The following WDR26 variants were observed in gnomAD, a reference collection of about 807,000 sequenced individuals.
WDR26 encodes WD repeat domain 26.
A neutral mutation model predicts 84.1 loss-of-function variants in WDR26; 5 were observed. The ratio of observed to expected loss-of-function variants is 0.06; its 90% CI spans 0.03 to 0.13. The LOEUF (loss-of-function observed/expected upper bound fraction) is 0.13. Ranked by LOEUF, WDR26 falls within the 10% of genes least tolerant of loss-of-function variation. The pLI, the probability that WDR26 is intolerant of heterozygous loss-of-function variation, is 1.00. For synonymous variants in WDR26, 415 were observed against 389.6 expected (o/e 1.07, Z -0.77); for missense variants, 642 against 974.9 (o/e 0.66, Z 4.55).
At chr1:224,394,828 T>C (rs1673217434) in intron 12 of WDR26, among the ~76,000 whole-genome samples, 1 of 152,066 alleles carries the variant, frequency 6.6e-6, no homozygotes, top group South Asian at 2.1e-4. Flanking sequence ...GAAACATAGG[T>C]TATGGTTAAG....
At chr1:224,432,653 TA>T (rs1674425595) in intron 1 of WDR26, among the ~76,000 whole-genome samples, 1 of 152,212 alleles carries the variant, frequency 6.6e-6, no homozygotes, top group South Asian at 2.1e-4. Context: ...GTGCCACTTT[TA>T]AAAAGTTCTG....
intron 3 of WDR26, among the ~76,000 whole-genome samples, chr1:224,425,365 A>G (rs1674179859): frequency 6.6e-6 from 1 of 152,212 alleles, no homozygotes; most frequent in African/African-American, 2.4e-5. Flanking sequence ...AAAAGATTCA[A>G]TATTTGTACT....
chr1:224,395,347 G>T (rs1184430196), intron 12 of WDR26, among the ~76,000 whole-genome samples: 1 of 152,190 alleles, frequency 6.6e-6, no homozygotes, highest in Non-Finnish European at 1.5e-5. Flanking sequence ...ATAACTTAAT[G>T]ATATATCAGT....
At chr1:224,405,818 C>T (rs1673533823) in intron 7 of WDR26, among the ~76,000 whole-genome samples, 1 of 152,118 alleles carries the variant, frequency 6.6e-6, no homozygotes, top group African/African-American at 2.4e-5. Flanking sequence ...TTGTTGTAGG[C>T]TAAGGGGTTA....
intron 4 of WDR26, among the ~76,000 whole-genome samples, chr1:224,421,784 G>A (rs1674072149): frequency 1.3e-5 from 2 of 152,118 alleles, no homozygotes; most frequent in Admixed American, 6.5e-5. Context: ...AAAAAAACCT[G>A]TAGAATTTAT....
chr1:224,433,620 C>A (rs2102929558), intron 1 of WDR26, 64 bp downstream of exon 1: 17 of 1,177,534 alleles, frequency 1.4e-5, no homozygotes, highest in Non-Finnish European at 1.6e-5. Flanking sequence ...GCCCCTTCCC[C>A]TACCCCCCTG....
rs149995544 is a variant in WDR26, at chr1:224,415,453, C to CTTTTTTTTTTTTTTTTTT, written c.1319+2789_1319+2806dup. Among the ~76,000 whole-genome samples the CTTTTTTTTTTTTTTTTTT allele has an allele frequency of 7.3e-5, 6 of 82,350 alleles. 1 individual carries two copies. Among genetic ancestry groups the CTTTTTTTTTTTTTTTTTT allele is most frequent in the African/African-American group, 2.9e-4 (6 of 20,588 alleles). The allele number at this position is 82,350 out of a possible 152,430, so 54.0% of individuals were successfully genotyped here. ...ACAATTCTGGAACACGTATTTCTTTCTTTTTTTTTTTTTTTTTTTTTTTTT... is the reference window on the plus strand; with the variant it reads ...ACAATTCTGGAACACGTATTTCTTTCTTTTTTTTTTTTTTTTTTTTTTTTTTTTTTTTTTTTTTTTTTT... On this transcript the variant is annotated intron_variant, in intron 6 of 13. Coordinates refer to ENST00000414423, the MANE Select transcript of WDR26 (RefSeq NM_001379403.1).
Position 224,387,671 on chromosome 1 carries a change from G to A in WDR26, c.*2164C>T, listed in dbSNP as rs4653586. On this transcript the variant is annotated 3_prime_UTR_variant, in exon 14 of 14. Coordinates refer to ENST00000414423, the MANE Select transcript of WDR26 (RefSeq NM_001379403.1). ...CAAATCTGAGTGTTACAAATGCACC[G>A]TAGCACACTGTAACCAAATTTGTAA... 0.88 allele frequency: 134,451 copies of A among 152,556 alleles called. 61,596 individuals carry two copies. Among genetic ancestry groups the A allele is most frequent in the East Asian group, 1 (5,164 of 5,178 alleles). 9.5% of individuals were successfully genotyped at this position (152,556 alleles called of 1,614,324 possible).
chr1:224,401,671 C>CAAAAAAAAAAAAAAAAAA (rs767368281), intron 8 of WDR26, among the ~76,000 whole-genome samples: 93 of 49,632 alleles, frequency 1.9e-3, no homozygotes, highest in East Asian at 2.2e-3. Flanking sequence ...GAGACTGTCT[C>CAAAAAAAAAAAAAAAAAA]AAAAAAAAAA....
At chr1:224,428,667 C>T (rs535959421) in intron 3 of WDR26, among the ~76,000 whole-genome samples, 79 of 151,646 alleles carry the variant, frequency 5.2e-4, no homozygotes, top group Middle Eastern at 3.4e-3. Context: ...GAGGCTGAGG[C>T]GGGTGGATCA....
intron 6 of WDR26, chr1:224,413,117 AG>A (rs1326406137): frequency 4.9e-6 from 1 of 204,798 alleles, no homozygotes; most frequent in African/African-American, 2.3e-5. Flanking sequence ...TGAATGTGGG[AG>A]GTGGAGGTTG....
rs1673034667 is a variant in WDR26, at chr1:224,388,357, T to A, written c.*1478A>T. 6.6e-6 allele frequency: 1 copy of A among 152,244 alleles called. No homozygotes were observed. The highest frequency in any genetic ancestry group is 2.4e-5 in the African/African-American group (1 of 41,472). 9.4% of individuals were successfully genotyped at this position (152,244 alleles called of 1,614,324 possible). On this transcript the variant is annotated 3_prime_UTR_variant, in exon 14 of 14. Coordinates refer to ENST00000414423, the MANE Select transcript of WDR26 (RefSeq NM_001379403.1). ...CATTCCAACAGCTGGAGTCACCCTA[T>A]TTATCCTCTACTGAAAAAGGGAGGG...
intron 9 of WDR26, among the ~76,000 whole-genome samples, 193 bp from the exon 10 acceptor site, chr1:224,399,227 C>T (rs1673344036): frequency 6.6e-6 from 1 of 151,830 alleles, no homozygotes; most frequent in African/African-American, 2.4e-5. Context: ...TTCATTACAA[C>T]CATACTTAAG....
At position 224,433,976 on chromosome 1, in the gene WDR26, G is replaced by A. The variant is rs1211940314; in HGVS notation, c.430C>T (p.Pro144Ser). Residue 144 changes from proline to serine, a missense_variant, in exon 1 of 14, where the codon CCC becomes TCC. Physicochemically the swap from Pro to Ser is moderately conservative, Grantham distance 74 (BLOSUM62 -1). Around this residue, in one of 2 missense-constraint regions of WDR26, gnomAD observed 291 missense variants for 302.1 expected, o/e 0.96. Coordinates refer to ENST00000414423, the MANE Select transcript of WDR26 (RefSeq NM_001379403.1). ...TCCCCCGCGGACGACGACGACGAGG[G>A]GGACGACTCCCCGTTCTGGGCCGAC... 6.5e-7 allele frequency: 1 copy of A among 1,529,828 alleles called. No homozygotes were observed. The allele number at this position is 1,529,828 out of a possible 1,614,324, so 94.8% of individuals were successfully genotyped here. A position where few individuals can be genotyped will look rare whatever the true frequency, so the allele number is the denominator to read the frequency against.
At position 224,425,306 on chromosome 1, in the gene WDR26, C is replaced by A. The variant is rs75377835; in HGVS notation, c.928-652G>T. Among the ~76,000 whole-genome samples the A allele has an allele frequency of 1.3e-3, 197 of 152,296 alleles. 2 individuals carry two copies. The East Asian group carries it at 0.028, about 22-fold the overall frequency. On this transcript the variant is annotated intron_variant, in intron 3 of 13. Coordinates refer to ENST00000414423, the MANE Select transcript of WDR26 (RefSeq NM_001379403.1). ...CTTGATGCACTCACTCTCTTCTAGG[C>A]GGCTATTAAGGGATGTCTACGTTAG...
intron 1 of WDR26, 70 bp downstream of exon 1, chr1:224,433,614 C>CA: frequency 2.0e-6 from 2 of 998,414 alleles, no homozygotes; most frequent in Admixed American, 3.6e-5. Flanking sequence ...CCCTCCGCCC[C>CA]TTCCCCTACC....
intron 7 of WDR26, among the ~76,000 whole-genome samples, chr1:224,407,154 A>AAAG (rs1558426161): frequency 1.1e-5 from 1 of 91,830 alleles, no homozygotes; most frequent in Non-Finnish European, 2.1e-5. Context: ...AAAAAAAAAT[A>AAAG]TATATATATA....
In WDR26 at chr1:224,385,471, A is replaced by C. The variant is rs767270598; in HGVS notation, c.*4364T>G. 1 of 152,664 alleles carries C rather than the reference A, an allele frequency of 6.6e-6. No individual in the cohort carries two copies. Among genetic ancestry groups the C allele is most frequent in the Non-Finnish European group, 1.5e-5 (1 of 68,044 alleles). 9.5% of individuals were successfully genotyped at this position (152,664 alleles called of 1,614,324 possible). A position where few individuals can be genotyped will look rare whatever the true frequency, so the allele number is the denominator to read the frequency against. ...ATCTGAGAGGCAGTTAAAAAAACAA[A>C]AATCAAAACCCACCAAAATTGAAGA... On this transcript the variant is annotated 3_prime_UTR_variant, in exon 14 of 14. Transcript: ENST00000414423.
intron 8 of WDR26, among the ~76,000 whole-genome samples, chr1:224,402,778 TC>T (rs1488936626): frequency 6.6e-6 from 1 of 152,190 alleles, no homozygotes; most frequent in Admixed American, 6.5e-5. Flanking sequence ...AACATTCTAC[TC>T]TATGTTTTGC....
Sources: allele counts gnomAD v4.1 joint callset (sites outside exome capture counted in the v4.1 genomes callset), GRCh38; gene constraint gnomAD v4.1.1; regional missense constraint gnomAD v4.1.1; transcripts MANE v1.5; gene names NCBI Gene and HGNC (gene_info 2026-07-23, HGNC 2026-07-21).